The following SPATA2 variants were observed in gnomAD, a reference collection of about 807,000 sequenced individuals.
The protein encoded by SPATA2 is spermatogenesis-associated protein 2.
SPATA2 carries 8 observed loss-of-function variants against 35.4 expected under a neutral mutation model. The ratio of observed to expected loss-of-function variants is 0.23; its 90% CI spans 0.13 to 0.41. SPATA2 has a LOEUF of 0.41. Ranked by LOEUF, SPATA2 falls within the 10% of genes least tolerant of loss-of-function variation. The pLI is 1.00. For synonymous variants in SPATA2, 293 were observed against 300.9 expected (o/e 0.97, Z 0.27); for missense variants, 650 against 698.7 (o/e 0.93, Z 0.79).
At position 49,905,841 on chromosome 20, in the gene SPATA2, G is replaced by A. The variant is rs36117834; in HGVS notation, c.1341C>T (p.His447=). The change falls in exon 3 of 3, where the codon CAC becomes CAT. Residue 447 remains histidine, a synonymous_variant. Transcript: ENST00000289431. ...GCGTGGTGGAGGGCTTGGATTTGGA[G>A]TGAAGGTGCGGGAGGCGGTCGAGGC... is the stretch of plus-strand genomic sequence containing the variant. ...TQGLDRLPHL[H]SKSKPSTTPT... 8.8e-4 allele frequency: 1,419 copies of A among 1,614,150 alleles called. 17 individuals are homozygous for A. The African/African-American group carries it at 0.017, about 19-fold the overall frequency.
chr20:49,906,046 G>A lies in SPATA2; in HGVS notation c.1136C>T (p.Ala379Val), dbSNP rs762297217. The A allele has an allele frequency of 1.9e-6, 3 of 1,606,056 alleles. No homozygotes were observed. The highest frequency in any genetic ancestry group is 4.5e-5 in the East Asian group (2 of 44,844). ...CCCGCAGCTTTGGCACTTGGAGAGG[G>A]CGGACTCTTTGGCAGGGGGCGAGCG... Reference protein sequence around the residue: ...HKRSPPAKESALSKCQSCGLS... With the variant: ...HKRSPPAKESVLSKCQSCGLS... The change falls in exon 3 of 3, where the codon GCC becomes GTC. Residue 379 changes from alanine to valine, a missense_variant. By Grantham distance (64) the Ala-to-Val change is moderately conservative (BLOSUM62 0). Coordinates refer to ENST00000289431, the MANE Select transcript of SPATA2 (RefSeq NM_006038.4). This position sits in a 1 kb window ranked among gnomAD's most constrained non-coding sequence, Gnocchi z 8.2.
At chr20:49,908,650 AG>A in intron 1 of SPATA2, 58 bp from the exon 2 acceptor site, 1 of 632,742 alleles carries the variant, frequency 1.6e-6, no homozygotes, top group Non-Finnish European at 2.7e-6. Context: ...CTTCGGCTTC[AG>A]GTCGCTGAGG....
Position 49,905,081 on chromosome 20 carries a change from C to G in SPATA2, c.*538G>C, listed in dbSNP as rs1335650257. 1 of 155,954 alleles carries G rather than the reference C, an allele frequency of 6.4e-6. No individual in the cohort carries two copies. Among genetic ancestry groups the G allele is most frequent in the African/African-American group, 2.4e-5 (1 of 41,404 alleles). The allele number at this position is 155,954 out of a possible 1,614,324, so 9.7% of individuals were successfully genotyped here. A position where few individuals can be genotyped will look rare whatever the true frequency, so the allele number is the denominator to read the frequency against. On this transcript the variant is annotated 3_prime_UTR_variant, in exon 3 of 3. Coordinates refer to ENST00000289431, the MANE Select transcript of SPATA2 (RefSeq NM_006038.4). The stretch of plus-strand genomic sequence containing the variant: ...TGGGGAAGCCAGGGGGTGGGGAGTC[C>G]AGCTGGGGATCCTTGTGTTTAGGAA...
chr20:49,903,470 A>C lies in SPATA2; in HGVS notation c.*2149T>G, dbSNP rs2090119030. On this transcript the variant is annotated 3_prime_UTR_variant, in exon 3 of 3. Coordinates refer to ENST00000289431, the MANE Select transcript of SPATA2 (RefSeq NM_006038.4). The stretch of plus-strand genomic sequence containing the variant: ...CAACTCTTGGTAGAAATCAAATGTA[A>C]AACATCTGCATTTTTAAATTAGCAT... The C allele has an allele frequency of 6.6e-6, 1 of 152,196 alleles. No homozygotes were observed. The highest frequency in any genetic ancestry group is 2.4e-5 in the African/African-American group (1 of 41,430). 9.4% of individuals were successfully genotyped at this position (152,196 alleles called of 1,614,324 possible). A position where few individuals can be genotyped will look rare whatever the true frequency, so the allele number is the denominator to read the frequency against.
chr20:49,906,570 C>A lies in SPATA2; in HGVS notation c.612G>T (p.Val204=). The A allele has an allele frequency of 6.2e-7, 1 of 1,614,148 alleles. No homozygotes were observed. The highest frequency in any genetic ancestry group is 8.5e-7 in the Non-Finnish European group (1 of 1,180,032). ...GCCGCAGGGCGTCCGAGCAGCCGCG[C>A]ACATCCTCTGCACTGCTCTTGCGCT... ...VSERKSSAED[V]RGCSDALRRR... is the part of the protein sequence containing the mutation. Residue 204 remains valine (V), a synonymous_variant, in exon 3 of 3, where the codon GTG becomes GTT. Transcript: ENST00000289431. The surrounding 1 kb of genome is among the most constrained non-coding windows in gnomAD (Gnocchi z 8.2).
At position 49,908,353 on chromosome 20, in the gene SPATA2, G is replaced by A; in HGVS notation, c.138C>T (p.Ala46=). The change falls in exon 2 of 3, where the codon GCC becomes GCT. Residue 46 remains alanine, a synonymous_variant. Transcript: ENST00000289431. ...CCTTGTGCAGGCTGAGCAGGGTTGA[G>A]GCTGCCACCCGCAGGCACTCATCGC... The part of the protein sequence containing the change: ...PGSDECLRVA[A]STLLSLHKVD... 1 of 1,614,274 alleles carries A rather than the reference G, an allele frequency of 6.2e-7. No homozygotes were observed. The highest frequency in any genetic ancestry group is 8.5e-7 in the Non-Finnish European group (1 of 1,180,048).
chr20:49,908,603 G>T lies in SPATA2; in HGVS notation c.-102-11C>A. On this transcript the variant is annotated splice_polypyrimidine_tract_variant and intron_variant, in intron 1 of 2. Coordinates refer to ENST00000289431, the MANE Select transcript of SPATA2 (RefSeq NM_006038.4). ...GACCAGCGGAGTGCTCTGGAAGGAG[G>T]GGAACAAGAAGCATGTCATTCCTCG... 3 of 873,842 alleles carry T rather than the reference G, an allele frequency of 3.4e-6. No individual in the cohort carries two copies. The highest frequency in any genetic ancestry group is 5.2e-6 in the Non-Finnish European group (3 of 575,216). 54.1% of individuals were successfully genotyped at this position (873,842 alleles called of 1,614,324 possible). A position where few individuals can be genotyped will look rare whatever the true frequency, so the allele number is the denominator to read the frequency against.
Position 49,903,863 on chromosome 20 carries a change from AAT to A in SPATA2, c.*1754_*1755del, listed in dbSNP as rs2090121244. ...AATAAAGTTGGTTGAAATTCAGCTT[AAT>A]ATACACACTGTACATCTACATGTGA... On this transcript the variant is annotated 3_prime_UTR_variant, in exon 3 of 3. Transcript: ENST00000289431. 1 of 145,584 alleles carries A rather than the reference AAT, an allele frequency of 6.9e-6. No individual in the cohort carries two copies. The highest frequency in any genetic ancestry group is 2.6e-5 in the African/African-American group (1 of 38,766). The allele number at this position is 145,584 out of a possible 1,614,324, so 9.0% of individuals were successfully genotyped here.
Position 49,905,671 on chromosome 20 carries a change from T to C in SPATA2, c.1511A>G (p.Asn504Ser). 1 of 1,614,230 alleles carries C rather than the reference T, an allele frequency of 6.2e-7. No individual in the cohort carries two copies. The highest frequency in any genetic ancestry group is 2.2e-5 in the East Asian group (1 of 44,890). The change falls in exon 3 of 3, where the codon AAC becomes AGC. Residue 504 changes from asparagine (N) to serine (S), a missense_variant. Coordinates refer to ENST00000289431, the MANE Select transcript of SPATA2 (RefSeq NM_006038.4). The part of the protein sequence containing the change: ...KKSELHKFMP[N>S]NQLNYKSTQL... ...GGTGGACTTGTAGTTCAGCTGGTTG[T>C]TGGGCATGAACTTGTGCAGCTCACT...
In SPATA2 at chr20:49,906,748, C is replaced by G; in HGVS notation, c.434G>C (p.Gly145Ala). The change falls in exon 3 of 3, where the codon GGC becomes GCC. Residue 145 changes from glycine to alanine, a missense_variant. By Grantham distance (60) the Gly-to-Ala change is moderately conservative (BLOSUM62 0). Coordinates refer to ENST00000289431, the MANE Select transcript of SPATA2 (RefSeq NM_006038.4). The surrounding 1 kb of genome is among the most constrained non-coding windows in gnomAD (Gnocchi z 8.2). ...GAGCTCTCTGAGCTTGTATGCAGTG[C>G]CCAGCTCAGGTGTGTAGCCCATGCA... ...LSCMGYTPEL[G>A]TAYKLRELVE... The G allele has an allele frequency of 6.2e-7, 1 of 1,614,208 alleles. No individual in the cohort carries two copies. The highest frequency in any genetic ancestry group is 1.3e-5 in the African/African-American group (1 of 75,050).
At position 49,906,572 on chromosome 20, in the gene SPATA2, C is replaced by A; in HGVS notation, c.610G>T (p.Val204Leu). The A allele has an allele frequency of 6.2e-7, 1 of 1,614,190 alleles. No homozygotes were observed. ...VSERKSSAEDVRGCSDALRRR... is the reference protein window; with the variant it reads ...VSERKSSAEDLRGCSDALRRR... ...CGCAGGGCGTCCGAGCAGCCGCGCA[C>A]ATCCTCTGCACTGCTCTTGCGCTCG... Residue 204 changes from valine (V) to leucine (L), a missense_variant, in exon 3 of 3, where the codon GTG (valine) becomes TTG (leucine). By Grantham distance (32) the Val-to-Leu change is conservative. Coordinates refer to ENST00000289431, the MANE Select transcript of SPATA2 (RefSeq NM_006038.4). The surrounding 1 kb of genome is among the most constrained non-coding windows in gnomAD (Gnocchi z 8.2).
chr20:49,908,170 T>C lies in SPATA2; in HGVS notation c.321A>G (p.Glu107=), dbSNP rs1246920348. 8 of 1,608,444 alleles carry C rather than the reference T, an allele frequency of 5.0e-6. No individual in the cohort carries two copies. The East Asian group carries it at 1.1e-4, about 22-fold the overall frequency. ...INLFLYPWKK[E]FRSIKTYTGP... ...AGGACCTCACCTTGATGCTTCTGAA[T>C]TCCTTCTTCCACGGGTAGAGGAAGA... is the stretch of plus-strand genomic sequence containing the variant. Residue 107 remains glutamate, a synonymous_variant, in exon 2 of 3, where the codon GAA becomes GAG. Coordinates refer to ENST00000289431, the MANE Select transcript of SPATA2 (RefSeq NM_006038.4).
At chr20:49,910,209 G>A (rs1385108752) in intron 1 of SPATA2, among the ~76,000 whole-genome samples, 1 of 152,242 alleles carries the variant, frequency 6.6e-6, no homozygotes, top group Non-Finnish European at 1.5e-5. Flanking sequence ...GCACCTGCGA[G>A]TGAGGCCAGG....
rs1354172807 is a variant in SPATA2, at chr20:49,903,738, T to C, written c.*1881A>G. ...CTGGCGCAATCTGGAAATGGAAAACTAGAAAACTAGAGCTCTCAGGAGTGG... is the reference window on the plus strand; with the variant it reads ...CTGGCGCAATCTGGAAATGGAAAACCAGAAAACTAGAGCTCTCAGGAGTGG... On this transcript the variant is annotated 3_prime_UTR_variant, in exon 3 of 3. Coordinates refer to ENST00000289431, the MANE Select transcript of SPATA2 (RefSeq NM_006038.4). 1 of 151,836 alleles carries C rather than the reference T, an allele frequency of 6.6e-6. No homozygotes were observed. 9.4% of individuals were successfully genotyped at this position (151,836 alleles called of 1,614,324 possible). A position where few individuals can be genotyped will look rare whatever the true frequency, so the allele number is the denominator to read the frequency against.
chr20:49,903,689 TAGAA>T lies in SPATA2; in HGVS notation c.*1926_*1929del, dbSNP rs922995262. The T allele has an allele frequency of 6.6e-6, 1 of 151,866 alleles. No homozygotes were observed. Among genetic ancestry groups the T allele is most frequent in the Non-Finnish European group, 1.5e-5 (1 of 67,988 alleles). 9.4% of individuals were successfully genotyped at this position (151,866 alleles called of 1,614,324 possible). On this transcript the variant is annotated 3_prime_UTR_variant, in exon 3 of 3. Coordinates refer to ENST00000289431, the MANE Select transcript of SPATA2 (RefSeq NM_006038.4). Reference sequence around the variant, plus strand: ...TAAGTTACGTGGCATCACGGTTGGTTAGAAAGAGTTAGTTACTGTAATGCTGGCG... The same window carrying T: ...TAAGTTACGTGGCATCACGGTTGGTTAGAGTTAGTTACTGTAATGCTGGCG...
At chr20:49,910,633 T>A (rs1453226125) in intron 1 of SPATA2, among the ~76,000 whole-genome samples, 1 of 152,116 alleles carries the variant, frequency 6.6e-6, no homozygotes. Flanking sequence ...GGGCCTGGCA[T>A]GTGGGGGACT....
chr20:49,905,518 G>T lies in SPATA2; in HGVS notation c.*101C>A. On this transcript the variant is annotated 3_prime_UTR_variant, in exon 3 of 3. Coordinates refer to ENST00000289431, the MANE Select transcript of SPATA2 (RefSeq NM_006038.4). The stretch of plus-strand genomic sequence containing the variant: ...ATCTCTGCCACCTACATGGTCAAGT[G>T]CAGGCCTCCGCCTCTGAGATCAATG... The T allele has an allele frequency of 1.5e-6, 2 of 1,362,952 alleles. No individual in the cohort carries two copies. Among genetic ancestry groups the T allele is most frequent in the Non-Finnish European group, 2.0e-6 (2 of 987,492 alleles). 84.4% of individuals were successfully genotyped at this position (1,362,952 alleles called of 1,614,324 possible). A position where few individuals can be genotyped will look rare whatever the true frequency, so the allele number is the denominator to read the frequency against.
chr20:49,913,106 CTCAA>C (rs1291174442), intron 1 of SPATA2, among the ~76,000 whole-genome samples: 1 of 152,124 alleles, frequency 6.6e-6, no homozygotes, highest in African/African-American at 2.4e-5. Context: ...AAGACCTTGT[CTCAA>C]TCAGTCAATA....
At position 49,905,573 on chromosome 20, in the gene SPATA2, A is replaced by G. The variant is rs201605879; in HGVS notation, c.*46T>C. ...AGTACTTCTTCACCGTGAAACCCGA[A>G]AGGTCGGTTGATGTAGCCCTTGGAG... On this transcript the variant is annotated 3_prime_UTR_variant, in exon 3 of 3. Coordinates refer to ENST00000289431, the MANE Select transcript of SPATA2 (RefSeq NM_006038.4). 431 of 1,595,998 alleles carry G rather than the reference A, an allele frequency of 2.7e-4. 2 individuals are homozygous for G. Among genetic ancestry groups the G allele is most frequent in the Non-Finnish European group, 3.6e-4 (416 of 1,168,666 alleles).
Sources: allele counts gnomAD v4.1 joint callset (sites outside exome capture counted in the v4.1 genomes callset), GRCh38; gene constraint gnomAD v4.1.1; non-coding constraint Gnocchi (gnomAD v3.1); transcripts MANE v1.5; gene names NCBI Gene and HGNC (gene_info 2026-07-23, HGNC 2026-07-21).